Variants in CNTNAP2 observed in about 807,000 individuals in gnomAD.
CNTNAP2 encodes the protein contactin associated protein 2.
In CNTNAP2, 98 loss-of-function variants were observed where a neutral mutation model predicts 155.2. The ratio of observed to expected loss-of-function variants is 0.63; its 90% CI spans 0.54 to 0.75. The LOEUF (loss-of-function observed/expected upper bound fraction) is 0.75. Ranked by LOEUF, CNTNAP2 falls within the 30% of genes least tolerant of loss-of-function variation. The probability of loss-of-function intolerance (pLI) is 0.00; values close to 1 mark genes in which losing one functional copy is unlikely to be tolerated. For missense variants in CNTNAP2, 1,727 were observed against 1,688.1 expected, an observed-to-expected ratio of 1.02 and a Z score of -0.40; for synonymous variants, 651 against 631.2, an observed-to-expected ratio of 1.03 and a Z score of -0.47.
At chr7:147,531,624 C>T (rs1164771084) in intron 11 of CNTNAP2, among the ~76,000 whole-genome samples, 1 of 152,138 alleles carries the variant, frequency 6.6e-6, no homozygotes, top group Non-Finnish European at 1.5e-5. Flanking sequence ...GGGCCTGGCC[C>T]ATGAAACCAC....
intron 1 of CNTNAP2, among the ~76,000 whole-genome samples, chr7:146,457,611 C>A (rs1796576584): frequency 6.7e-6 from 1 of 148,566 alleles, no homozygotes; most frequent in Admixed American, 6.7e-5. Context: ...TGAAGAGATT[C>A]TCCTGCCTCA....
intron 20 of CNTNAP2, among the ~76,000 whole-genome samples, chr7:148,252,060 C>T (rs74400844): frequency 0.073 from 11,128 of 152,288 alleles, 455 homozygotes; most frequent in South Asian, 0.13. Flanking sequence ...TTCTCCTATA[C>T]ATGCCTCATA....
Position 147,118,154 on chromosome 7 carries a change from T to G in CNTNAP2, c.755-2825T>G, listed in dbSNP as rs563473920. ...TTTTATCAAGTAAGTAAATACATTT[T>G]AAAGTGATACTTTCAGTGTTGGTAT... is the stretch of plus-strand genomic sequence containing the variant. On this transcript the variant is annotated intron_variant, in intron 5 of 23. Transcript: ENST00000361727. Among the ~76,000 whole-genome samples, 9 of 152,316 alleles carry G rather than the reference T, an allele frequency of 5.9e-5. 1 individual carries two copies. The South Asian group carries it at 1.9e-3, about 32-fold the overall frequency.
intron 11 of CNTNAP2, among the ~76,000 whole-genome samples, chr7:147,493,605 T>C (rs1798645944): frequency 6.6e-6 from 1 of 152,162 alleles, no homozygotes; most frequent in Non-Finnish European, 1.5e-5. Flanking sequence ...CCTCCAAAAA[T>C]GTGTATAGTT....
In CNTNAP2 at chr7:147,186,876, C is replaced by T. The variant is rs1310448950; in HGVS notation, c.1348+54367C>T. On this transcript the variant is annotated intron_variant, in intron 8 of 23. Coordinates refer to ENST00000361727, the MANE Select transcript of CNTNAP2 (RefSeq NM_014141.6). The stretch of plus-strand genomic sequence containing the variant: ...AGTTGAAGAAGGCACTTGATCTTTT[C>T]GGGCTGACCAGTAGGTCTTAAACTG... Among the ~76,000 whole-genome samples, 3 of 93,702 alleles carry T rather than the reference C, an allele frequency of 3.2e-5. 1 individual carries two copies. Among genetic ancestry groups the T allele is most frequent in the Non-Finnish European group, 9.0e-5 (3 of 33,414 alleles). 61.5% of individuals were successfully genotyped at this position (93,702 alleles called of 152,430 possible).
intron 3 of CNTNAP2, among the ~76,000 whole-genome samples, chr7:146,914,460 A>AT (rs745753191): frequency 1.7e-4 from 26 of 150,284 alleles, no homozygotes; most frequent in South Asian, 8.4e-4. Flanking sequence ...AACATCTATT[A>AT]TTTTTTTTTA....
intron 1 of CNTNAP2, among the ~76,000 whole-genome samples, chr7:146,263,750 C>A (rs1799955011): frequency 6.6e-6 from 1 of 151,938 alleles, no homozygotes; most frequent in South Asian, 2.1e-4. Context: ...ATTTGTAAAG[C>A]CAATTAAAGA....
At chr7:147,186,693 A>G (rs1802573909) in intron 8 of CNTNAP2, among the ~76,000 whole-genome samples, 1 of 152,200 alleles carries the variant, frequency 6.6e-6, no homozygotes, top group African/African-American at 2.4e-5. Context: ...AACAGAAGGT[A>G]GAAAAGATGT....
intron 13 of CNTNAP2, among the ~76,000 whole-genome samples, chr7:147,722,960 A>G (rs1412068731): frequency 6.6e-6 from 1 of 152,048 alleles, no homozygotes; most frequent in Non-Finnish European, 1.5e-5. Context: ...ACACTGACTG[A>G]TTGATGTTGA....
chr7:146,889,158 A>G (rs1006814501), intron 3 of CNTNAP2, among the ~76,000 whole-genome samples: 20 of 152,168 alleles, frequency 1.3e-4, no homozygotes, highest in African/African-American at 3.1e-4. Flanking sequence ...AGCTTTTTCT[A>G]TATTAATTAT....
At chr7:146,467,996 A>G (rs1796739543) in intron 1 of CNTNAP2, among the ~76,000 whole-genome samples, 1 of 152,208 alleles carries the variant, frequency 6.6e-6, no homozygotes, top group African/African-American at 2.4e-5. Flanking sequence ...TTCATAAAGA[A>G]GGTGCATTTG....
intron 8 of CNTNAP2, among the ~76,000 whole-genome samples, chr7:147,208,020 T>C (rs1803056393): frequency 2.0e-5 from 3 of 152,114 alleles, no homozygotes; most frequent in Admixed American, 1.3e-4. Flanking sequence ...TGGGCTATTG[T>C]TGGATGAACA....
chr7:147,903,738 A>C lies in CNTNAP2; in HGVS notation c.2255+17A>C, dbSNP rs1381485479. On this transcript the variant is annotated intron_variant, in intron 14 of 23. Transcript: ENST00000361727. ...CAAGCAATGGTGAGTGCCTGCGGGC[A>C]GCACAGCCAGGCTCACCCTCCCAGT... 36 of 1,612,500 alleles carry C rather than the reference A, an allele frequency of 2.2e-5. No individual in the cohort carries two copies. Among genetic ancestry groups the C allele is most frequent in the Non-Finnish European group, 3.0e-5 (35 of 1,179,450 alleles).
chr7:148,218,985 C>T (rs932352428), intron 19 of CNTNAP2, among the ~76,000 whole-genome samples: 1 of 140,146 alleles, frequency 7.1e-6, no homozygotes, highest in Non-Finnish European at 1.5e-5. Context: ...GCTCCATCAC[C>T]AGGCTGGAGT....
chr7:148,192,046 C>T (rs1472810013), intron 18 of CNTNAP2, among the ~76,000 whole-genome samples: 1 of 152,164 alleles, frequency 6.6e-6, no homozygotes, highest in South Asian at 2.1e-4. Context: ...AAGATGGCTT[C>T]TGAGGAGTGG....
chr7:148,409,251 G>A, intron 22 of CNTNAP2, 140 bp from the exon 23 acceptor site: 1 of 708,788 alleles, frequency 1.4e-6, no homozygotes, highest in Non-Finnish European at 2.5e-6. Context: ...GGAGACAATG[G>A]CAAGACGGGT....
intron 1 of CNTNAP2, among the ~76,000 whole-genome samples, chr7:146,566,418 C>T (rs951004370): frequency 2.0e-5 from 3 of 152,100 alleles, no homozygotes; most frequent in Admixed American, 6.6e-5. Flanking sequence ...TTAGTGGAAG[C>T]GCTTTTATCT....
At chr7:148,209,359 C>A (rs1323667564) in intron 18 of CNTNAP2, among the ~76,000 whole-genome samples, 2 of 150,236 alleles carry the variant, frequency 1.3e-5, no homozygotes, top group Non-Finnish European at 3.0e-5. Context: ...GTCTTAAACT[C>A]CAGGGCTCAA....
chr7:146,563,215 A>G (rs1798306736), intron 1 of CNTNAP2, among the ~76,000 whole-genome samples: 1 of 152,140 alleles, frequency 6.6e-6, no homozygotes, highest in Admixed American at 6.5e-5. Flanking sequence ...CTTAAATATG[A>G]CCAATGCTGT....
Sources: gnomAD v4.1 joint callset for allele counts (sites outside exome capture counted in the v4.1 genomes callset) on GRCh38, gnomAD v4.1.1 for gene constraint, MANE v1.5 for transcripts, NCBI Gene and HGNC (gene_info 2026-07-23, HGNC 2026-07-21) for gene names.